The following MARK1 variants were observed in gnomAD, a reference collection of about 807,000 sequenced individuals.
MARK1 encodes the protein serine/threonine-protein kinase MARK1.
A neutral mutation model predicts 96.3 loss-of-function variants in MARK1; 40 were observed. The observed-to-expected ratio is 0.42, with a 90% CI of 0.32 to 0.54. The LOEUF is 0.54. Among genes scored for constraint, MARK1 ranks in the 20% least tolerant of loss-of-function variants. The probability of loss-of-function intolerance (pLI) is 0.16; values close to 1 mark genes in which losing one functional copy is unlikely to be tolerated. For missense variants in MARK1, 719 were observed against 984.6 expected, an observed-to-expected ratio of 0.73 and a Z score of 3.61; for synonymous variants, 317 against 341.2, an observed-to-expected ratio of 0.93 and a Z score of 0.78.
At chr1:220,637,296 C>A (rs1271763105) in intron 13 of MARK1, among the ~76,000 whole-genome samples, 1 of 152,016 alleles carries the variant, frequency 6.6e-6, no homozygotes, top group Non-Finnish European at 1.5e-5. Flanking sequence ...GAATAGTATC[C>A]AGGGCATAAG....
In MARK1 at chr1:220,575,673, T is replaced by C. The variant is rs533963962; in HGVS notation, c.52-3681T>C. Among the ~76,000 whole-genome samples, 63 of 152,118 alleles carry C rather than the reference T, an allele frequency of 4.1e-4. No homozygotes were observed. The Middle Eastern group carries it at 0.014, about 34-fold the overall frequency. ...TATAATATATGTAATATAAAATATATGCTGTGTATTCTGATTTTTTATTTA... is the reference window on the plus strand; with the variant it reads ...TATAATATATGTAATATAAAATATACGCTGTGTATTCTGATTTTTTATTTA... On this transcript the variant is annotated intron_variant, in intron 1 of 17. Coordinates refer to ENST00000366917, the MANE Select transcript of MARK1 (RefSeq NM_018650.5).
intron 6 of MARK1, among the ~76,000 whole-genome samples, chr1:220,604,968 A>G (rs1665981818): frequency 6.6e-6 from 1 of 152,112 alleles, no homozygotes; most frequent in Non-Finnish European, 1.5e-5. Context: ...ATGGCTCGCT[A>G]CCTCTTCTGC....
chr1:220,652,049 C>T lies in MARK1; in HGVS notation c.1635C>T (p.Pro545=), dbSNP rs1373027935. ...GCTCTTCTGTGGCCTCTGCTGTCCC[C>T]TCAGCACGACCCCGCCACCAGAAGT... ...SAGSSVASAV[P]SARPRHQKSM... Residue 545 remains proline, a synonymous_variant, in exon 15 of 18, where the codon CCC becomes CCT. Transcript: ENST00000366917. 1.9e-6 allele frequency: 3 copies of T among 1,613,650 alleles called. No homozygotes were observed. The highest frequency in any genetic ancestry group is 2.5e-6 in the Non-Finnish European group (3 of 1,179,638).
chr1:220,528,807 C>T lies in MARK1; in HGVS notation c.-16C>T, dbSNP rs1660097489. On this transcript the variant is annotated 5_prime_UTR_variant, in exon 1 of 18. Transcript: ENST00000366917. Reference sequence around the variant, plus strand: ...CGGCCGGCGAGACCCCGGCCAGACCCCGCTGCCCGCACAAAATGTCGGCCC... The same window carrying T: ...CGGCCGGCGAGACCCCGGCCAGACCTCGCTGCCCGCACAAAATGTCGGCCC... 1 of 1,550,726 alleles carries T rather than the reference C, an allele frequency of 6.4e-7. No individual in the cohort carries two copies. Among genetic ancestry groups the T allele is most frequent in the Non-Finnish European group, 8.7e-7 (1 of 1,147,250 alleles).
chr1:220,540,012 C>T (rs572148353), intron 1 of MARK1, among the ~76,000 whole-genome samples: 22 of 152,082 alleles, frequency 1.4e-4, no homozygotes, highest in African/African-American at 5.1e-4. Flanking sequence ...TTGGGCTTAT[C>T]GTTGTTGGAA....
At chr1:220,646,655 A>G (rs1668591995) in intron 13 of MARK1, among the ~76,000 whole-genome samples, 1 of 152,212 alleles carries the variant, frequency 6.6e-6, no homozygotes, top group Non-Finnish European at 1.5e-5. Flanking sequence ...ATAAAACTGT[A>G]CTACAAGGCT....
chr1:220,659,146 T>C (rs1001214323), intron 17 of MARK1, among the ~76,000 whole-genome samples: 1 of 152,240 alleles, frequency 6.6e-6, no homozygotes, highest in African/African-American at 2.4e-5. Context: ...CACAATACTT[T>C]TCACATTCCC....
Position 220,609,694 on chromosome 1 carries a change from A to G in MARK1, c.495+5557A>G, listed in dbSNP as rs184440452. Among the ~76,000 whole-genome samples the G allele has an allele frequency of 6.0e-3, 916 of 152,242 alleles. 4 individuals carry two copies. Among genetic ancestry groups the G allele is most frequent in the Non-Finnish European group, 0.01 (703 of 68,002 alleles). The stretch of plus-strand genomic sequence containing the variant: ...GCATGTTTTTGTAGTGGCTGGTACC[A>G]GTTGTTTCTTTCCATGTTTACTGCT... On this transcript the variant is annotated intron_variant, in intron 6 of 17. Transcript: ENST00000366917.
At chr1:220,611,982 A>G (rs1278316572) in intron 6 of MARK1, among the ~76,000 whole-genome samples, 1 of 152,026 alleles carries the variant, frequency 6.6e-6, no homozygotes, top group Admixed American at 6.6e-5. Flanking sequence ...ATCTGCCCAC[A>G]TCGGCCTCCC....
intron 1 of MARK1, among the ~76,000 whole-genome samples, chr1:220,573,362 C>T (rs897789972): frequency 3.3e-5 from 5 of 151,944 alleles, no homozygotes; most frequent in South Asian, 4.2e-4. Context: ...CTCGCTTTGT[C>T]GCCCAGGCTG....
chr1:220,641,673 G>A (rs528917994), intron 13 of MARK1, among the ~76,000 whole-genome samples: 120 of 151,738 alleles, frequency 7.9e-4, no homozygotes, highest in African/African-American at 2.8e-3. Context: ...CCACCGAGAG[G>A]AACGCAAAAG....
intron 9 of MARK1, among the ~76,000 whole-genome samples, chr1:220,622,322 G>A (rs1667088472): frequency 6.6e-6 from 1 of 152,112 alleles, no homozygotes; most frequent in Non-Finnish European, 1.5e-5. Flanking sequence ...TGAGCCTGAA[G>A]CAAAGCTCCT....
chr1:220,637,345 G>T (rs1668022605), intron 13 of MARK1, among the ~76,000 whole-genome samples: 1 of 152,124 alleles, frequency 6.6e-6, no homozygotes, highest in Non-Finnish European at 1.5e-5. Flanking sequence ...ACAAACACAT[G>T]CCTTGTTAGG....
At chr1:220,585,691 A>G (rs1664550187) in intron 3 of MARK1, among the ~76,000 whole-genome samples, 1 of 152,226 alleles carries the variant, frequency 6.6e-6, no homozygotes, top group African/African-American at 2.4e-5. Flanking sequence ...TGAGTTTAGT[A>G]AGCTCAACAA....
rs139890430 is a variant in MARK1 at position 220,563,357 on chromosome 1, G to A, written c.52-15997G>A. 3.7e-3 allele frequency among the ~76,000 whole-genome samples: 564 copies of A among 152,254 alleles called. 1 individual carries two copies. Among genetic ancestry groups the A allele is most frequent in the Non-Finnish European group, 5.7e-3 (389 of 68,018 alleles). ...ATGGCTAACATTTATTGAATGCTTAGTATACCTCTTACTGTATTGTATGTT... is the reference window on the plus strand; with the variant it reads ...ATGGCTAACATTTATTGAATGCTTAATATACCTCTTACTGTATTGTATGTT... On this transcript the variant is annotated intron_variant, in intron 1 of 17. Coordinates refer to ENST00000366917, the MANE Select transcript of MARK1 (RefSeq NM_018650.5).
At chr1:220,621,540 A>G (rs544929394) in intron 9 of MARK1, among the ~76,000 whole-genome samples, 1 of 152,258 alleles carries the variant, frequency 6.6e-6, no homozygotes, top group African/African-American at 2.4e-5. Flanking sequence ...AATATTTTTA[A>G]TGAATAGTTT....
chr1:220,625,506 A>C (rs1411271410), intron 9 of MARK1, among the ~76,000 whole-genome samples: 1 of 152,212 alleles, frequency 6.6e-6, no homozygotes, highest in African/African-American at 2.4e-5. Flanking sequence ...GTAGGCAAAG[A>C]TCAGGGTGCC....
At chr1:220,642,100 G>T (rs1668305395) in intron 13 of MARK1, among the ~76,000 whole-genome samples, 1 of 152,206 alleles carries the variant, frequency 6.6e-6, no homozygotes, top group African/African-American at 2.4e-5. Context: ...CACTCCCGTG[G>T]AAAGGGGGCT....
chr1:220,632,049 C>T (rs371576114), intron 10 of MARK1, 152 bp from the exon 11 acceptor site: 30 of 463,982 alleles, frequency 6.5e-5, no homozygotes, highest in African/African-American at 2.8e-4. Context: ...ATATGGTATC[C>T]GTAGGTTAAT....
Sources: gnomAD v4.1 joint callset for allele counts (sites outside exome capture counted in the v4.1 genomes callset) on GRCh38, gnomAD v4.1.1 for gene constraint, MANE v1.5 for transcripts, NCBI Gene and HGNC (gene_info 2026-07-23, HGNC 2026-07-21) for gene names.